The following TNIK variants were observed in gnomAD, a reference collection of about 807,000 sequenced individuals.
TNIK encodes TRAF2 and NCK-interacting protein kinase.
In TNIK, 49 loss-of-function variants were observed where a neutral mutation model predicts 191.3. The ratio of observed to expected loss-of-function variants is 0.26; its 90% CI spans 0.20 to 0.32. TNIK has a LOEUF of 0.32. TNIK is among the 10% of genes least tolerant of loss of function. The pLI is 1.00. For synonymous variants in TNIK, 594 were observed against 600.9 expected (o/e 0.99, Z 0.17); for missense variants, 1,155 against 1,702.3 (o/e 0.68, Z 5.66).
intron 12 of TNIK, among the ~76,000 whole-genome samples, chr3:171,153,542 C>T (rs568523384): frequency 2.0e-5 from 3 of 152,270 alleles, no homozygotes; most frequent in East Asian, 1.9e-4. Flanking sequence ...ACTCCACCAT[C>T]ATCTGTCCAA....
chr3:171,117,340 A>G (rs907825936), intron 18 of TNIK, among the ~76,000 whole-genome samples: 5 of 152,180 alleles, frequency 3.3e-5, no homozygotes, highest in African/African-American at 1.2e-4. Flanking sequence ...TTAAGAATGT[A>G]GACTTTGGTG....
Position 171,139,573 on chromosome 3 carries a change from C to T in TNIK, c.1333-17G>A. ...GATGTATTCCTGGAGAGGTAGGCAG[C>T]AGAGAATTCAGAGGAACAGAAAGAA... On this transcript the variant is annotated splice_polypyrimidine_tract_variant and intron_variant, in intron 13 of 32. Coordinates refer to ENST00000436636, the MANE Select transcript of TNIK (RefSeq NM_015028.4). 2.5e-6 allele frequency: 4 copies of T among 1,610,934 alleles called. No homozygotes were observed. The highest frequency in any genetic ancestry group is 3.4e-6 in the Non-Finnish European group (4 of 1,177,462).
At chr3:171,126,992 T>A (rs1728566589) in intron 16 of TNIK, among the ~76,000 whole-genome samples, 1 of 152,242 alleles carries the variant, frequency 6.6e-6, no homozygotes, top group Admixed American at 6.5e-5. Flanking sequence ...AGTGCTTATC[T>A]AAGCGTGTCT....
At chr3:171,394,414 G>C (rs1481457017) in intron 1 of TNIK, among the ~76,000 whole-genome samples, 1 of 152,128 alleles carries the variant, frequency 6.6e-6, no homozygotes, top group Non-Finnish European at 1.5e-5. Context: ...AATCTTTTGA[G>C]GTCCCACAGC....
At chr3:171,410,326 T>C (rs140689047) in intron 1 of TNIK, among the ~76,000 whole-genome samples, 17 of 152,344 alleles carry the variant, frequency 1.1e-4, no homozygotes, top group Non-Finnish European at 2.4e-4. Flanking sequence ...TTCACTCACA[T>C]GTCTGGCACC....
chr3:171,347,972 T>C (rs565392307), intron 2 of TNIK, among the ~76,000 whole-genome samples: 2 of 152,346 alleles, frequency 1.3e-5, no homozygotes, highest in Non-Finnish European at 2.9e-5. Flanking sequence ...TAGTGCTGTG[T>C]AGATTCTTCT....
chr3:171,067,658 C>T (rs1032130670), intron 30 of TNIK, among the ~76,000 whole-genome samples: 2 of 137,146 alleles, frequency 1.5e-5, no homozygotes, highest in Non-Finnish European at 3.0e-5. Context: ...GGTGACAGAG[C>T]GAGACTCCGT....
intron 2 of TNIK, among the ~76,000 whole-genome samples, chr3:171,264,067 T>TACACACACACACACACAC (rs760319253): frequency 1.8e-5 from 2 of 110,772 alleles, no homozygotes; most frequent in East Asian, 3.1e-4. Context: ...TATATATACA[T>TACACACACACACACACAC]ACACACACAC....
intron 2 of TNIK, among the ~76,000 whole-genome samples, chr3:171,271,952 T>C (rs1045229904): frequency 2.6e-5 from 4 of 152,256 alleles, no homozygotes; most frequent in African/African-American, 9.6e-5. Context: ...CTTTATGTGC[T>C]TTCCTTGACA....
In TNIK at chr3:171,313,239, G is replaced by GCTTTCTTT. The variant is rs71762733; in HGVS notation, c.123+56373_123+56380dup. On this transcript the variant is annotated intron_variant, in intron 2 of 32. Transcript: ENST00000436636. ...TTGTGATACTCTCTACCAACATTTAGCTTTCTTTCTTTCTTTCTTTCTTTC... is the reference window on the plus strand; with the variant it reads ...TTGTGATACTCTCTACCAACATTTAGCTTTCTTTCTTTCTTTCTTTCTTTCTTTCTTTC... Among the ~76,000 whole-genome samples the GCTTTCTTT allele has an allele frequency of 9.4e-4, 142 of 150,392 alleles. 1 individual carries two copies. Among genetic ancestry groups the GCTTTCTTT allele is most frequent in the African/African-American group, 2.6e-3 (107 of 40,926 alleles).
intron 2 of TNIK, among the ~76,000 whole-genome samples, chr3:171,349,818 A>G (rs1712843023): frequency 6.6e-6 from 1 of 152,242 alleles, no homozygotes; most frequent in South Asian, 2.1e-4. Flanking sequence ...TTCATTGTGG[A>G]ATAAGCAGCA....
rs140477279 is a variant in TNIK at position 171,143,815 on chromosome 3, C to A, written c.1222-3306G>T. ...GAGCCCTGCAGAGCTTTGTACCAGACCTTTACTCTTTGATGCCCTTCTTAA... is the reference window on the plus strand; with the variant it reads ...GAGCCCTGCAGAGCTTTGTACCAGAACTTTACTCTTTGATGCCCTTCTTAA... On this transcript the variant is annotated intron_variant, in intron 12 of 32. Transcript: ENST00000436636. Among the ~76,000 whole-genome samples the A allele has an allele frequency of 4.6e-5, 7 of 152,308 alleles. No homozygotes were observed. In the East Asian group the frequency reaches 5.8e-4, roughly 13 times the overall value.
chr3:171,426,243 A>G (rs886668887), intron 1 of TNIK, among the ~76,000 whole-genome samples: 12 of 152,078 alleles, frequency 7.9e-5, no homozygotes, highest in African/African-American at 2.9e-4. Context: ...TGATGAGTTC[A>G]TGTCCTTTGC....
intron 14 of TNIK, among the ~76,000 whole-genome samples, chr3:171,138,824 A>C (rs943638180): frequency 1.3e-5 from 2 of 152,210 alleles, no homozygotes; most frequent in Non-Finnish European, 2.9e-5. Flanking sequence ...TCTTTCATTT[A>C]ATAAAACTTG....
At chr3:171,168,656 T>A (rs1029257598) in intron 9 of TNIK, among the ~76,000 whole-genome samples, 1 of 152,212 alleles carries the variant, frequency 6.6e-6, no homozygotes, top group Non-Finnish European at 1.5e-5. Flanking sequence ...AAAGGTAGCC[T>A]ACTGTGCTTG....
At chr3:171,325,102 AT>A (rs754724325) in intron 2 of TNIK, among the ~76,000 whole-genome samples, 22 of 151,862 alleles carry the variant, frequency 1.4e-4, no homozygotes, top group East Asian at 5.8e-4. Context: ...CTGTCTCAAA[AT>A]AAATAAATAA....
In TNIK at chr3:171,449,522, G is replaced by A. The variant is rs140856181; in HGVS notation, c.57+10485C>T. On this transcript the variant is annotated intron_variant, in intron 1 of 32. Transcript: ENST00000436636. ...AGCATGAGAAAAGGCTAATTATTAG[G>A]TTTAAAAAATAGGTTACATATAATA... 1.9e-3 allele frequency among the ~76,000 whole-genome samples: 287 copies of A among 151,970 alleles called. 1 individual carries two copies. The highest frequency in any genetic ancestry group is 6.4e-3 in the African/African-American group (264 of 41,428).
chr3:171,443,573 C>T (rs934744067), intron 1 of TNIK, among the ~76,000 whole-genome samples: 2 of 152,122 alleles, frequency 1.3e-5, no homozygotes, highest in Admixed American at 1.3e-4. Context: ...CTGGCTCCTA[C>T]CTGTAATCCC....
chr3:171,395,023 A>T (rs1290575188), intron 1 of TNIK, among the ~76,000 whole-genome samples: 2 of 152,216 alleles, frequency 1.3e-5, no homozygotes, highest in Admixed American at 1.3e-4. Flanking sequence ...TCTGCATTAT[A>T]AACTAAACAA....
Sources: allele counts gnomAD v4.1 joint callset (sites outside exome capture counted in the v4.1 genomes callset), GRCh38; gene constraint gnomAD v4.1.1; transcripts MANE v1.5; gene names NCBI Gene and HGNC (gene_info 2026-07-23, HGNC 2026-07-21).